ASAP3: variants seen among roughly 807,000 people sequenced by gnomAD.
The protein encoded by ASAP3 is ArfGAP with SH3 domain, ankyrin repeat and PH domain 3, also known as arf-GAP with SH3 domain, ANK repeat and PH domain-containing protein 3.
Under a neutral mutation model 118.2 loss-of-function variants are expected in ASAP3, and 85 were observed. The ratio of observed to expected loss-of-function variants is 0.72; its 90% confidence interval spans 0.60 to 0.86. ASAP3 has a LOEUF of 0.86. Ranked by LOEUF, ASAP3 falls within the 40% of genes least tolerant of loss-of-function variation. The pLI is 0.00. For synonymous variants in ASAP3, 432 were observed against 477.4 expected, an observed-to-expected ratio of 0.90 and a Z score of 1.24; for missense variants, 1,026 against 1,175.0, an observed-to-expected ratio of 0.87 and a Z score of 1.85.
At chr1:23,468,903 G>A in intron 1 of ASAP3, among the ~76,000 whole-genome samples, 1 of 137,948 alleles carries the variant, frequency 7.2e-6, no homozygotes, top group Non-Finnish European at 1.6e-5. Flanking sequence ...TACAATACCT[G>A]AATGAGCAAA....
Position 23,437,444 on chromosome 1 carries a change from C to T in ASAP3, c.1131G>A (p.Glu377=). 6.2e-7 allele frequency: 1 copy of T among 1,614,134 alleles called. No individual in the cohort carries two copies. The highest frequency in any genetic ancestry group is 1.1e-5 in the South Asian group (1 of 91,080). Residue 377 remains glutamate, a synonymous_variant, in exon 13 of 25, where the codon GAG becomes GAA. Transcript: ENST00000336689. The surrounding 1 kb of genome is among the most constrained non-coding windows in gnomAD (Gnocchi z 6.1). ...THNRTYHFQA[E]DEHECEAWVS... is the part of the protein sequence containing the mutation. ...CTCACGCCTCACACTCGTGCTCGTCCTCTGCCTGAAAGTGGTACGTCCGGT... is the reference window on the plus strand; with the variant it reads ...CTCACGCCTCACACTCGTGCTCGTCTTCTGCCTGAAAGTGGTACGTCCGGT...
intron 19 of ASAP3, among the ~76,000 whole-genome samples, chr1:23,434,000 A>T (rs1320674058): frequency 1.3e-5 from 2 of 152,258 alleles, no homozygotes; most frequent in East Asian, 3.8e-4. Context: ...ATTATCATTC[A>T]GATCTAGCTA....
intron 1 of ASAP3, among the ~76,000 whole-genome samples, chr1:23,483,462 A>T (rs1038465794): frequency 6.6e-6 from 1 of 152,158 alleles, no homozygotes; most frequent in African/African-American, 2.4e-5. Flanking sequence ...AGGGGAGAGG[A>T]GACGATAAAC....
At chr1:23,456,325 T>G in intron 1 of ASAP3, 131 bp from the exon 2 acceptor site, 1 of 834,514 alleles carries the variant, frequency 1.2e-6, no homozygotes, top group Non-Finnish European at 1.9e-6. Flanking sequence ...TGCTGTCCTC[T>G]GGAACTTATC....
chr1:23,439,369 C>G (rs1640786561), intron 10 of ASAP3, 139 bp from the exon 11 acceptor site: 1 of 728,914 alleles, frequency 1.4e-6, no homozygotes, highest in African/African-American at 1.7e-5. Flanking sequence ...CCCTACACCC[C>G]CACCCCTGAC....
chr1:23,434,477 G>C (rs1640561656), intron 18 of ASAP3, 56 bp downstream of exon 18: 1 of 1,605,980 alleles, frequency 6.2e-7, no homozygotes, highest in Non-Finnish European at 8.5e-7. Context: ...TGGGAGAAGA[G>C]GAAGGAAAGG....
At position 23,459,170 on chromosome 1, in the gene ASAP3, CAAAAAAAAAAA is replaced by C. The variant is rs59149141; in HGVS notation, c.130-2987_130-2977del. Among the ~76,000 whole-genome samples the C allele has an allele frequency of 1.8e-4, 12 of 68,294 alleles. No individual in the cohort carries two copies. The South Asian group carries it at 6.5e-3, about 37-fold the overall frequency. 44.8% of individuals were successfully genotyped at this position (68,294 alleles called of 152,430 possible). ...GCACAATGGGAGCGAGACTCCATCT[CAAAAAAAAAAA>C]AAAAAAAAAAAGATATGAACAATTT... On this transcript the variant is annotated intron_variant, in intron 1 of 24. Coordinates refer to ENST00000336689, the MANE Select transcript of ASAP3 (RefSeq NM_017707.4).
At chr1:23,479,768 G>C (rs1300515093) in intron 1 of ASAP3, 1 of 152,178 alleles carries the variant, frequency 6.6e-6, no homozygotes, top group Admixed American at 6.5e-5. Flanking sequence ...TTTTCCATGA[G>C]GAGATACATT....
intron 1 of ASAP3, among the ~76,000 whole-genome samples, chr1:23,466,872 A>G (rs1350976896): frequency 6.6e-6 from 1 of 152,110 alleles, no homozygotes; most frequent in African/African-American, 2.4e-5. Context: ...CATTATTATT[A>G]TTATTATTAT....
At chr1:23,479,749 GATAAT>G (rs1359935285) in intron 1 of ASAP3, 1 of 152,032 alleles carries the variant, frequency 6.6e-6, no homozygotes, top group African/African-American at 2.4e-5. Context: ...TTCCCCCACT[GATAAT>G]ATATTTTCCA....
At chr1:23,466,734 G>A (rs1407316022) in intron 1 of ASAP3, among the ~76,000 whole-genome samples, 3 of 152,184 alleles carry the variant, frequency 2.0e-5, no homozygotes, top group Non-Finnish European at 4.4e-5. Context: ...AAGCCAAGGG[G>A]GCAGAGCTGC....
rs573691701 is a variant in ASAP3 at position 23,463,053 on chromosome 1, G to A, written c.130-6859C>T. 5.9e-5 allele frequency among the ~76,000 whole-genome samples: 9 copies of A among 152,272 alleles called. No individual in the cohort carries two copies. The South Asian group carries it at 1.9e-3, about 32-fold the overall frequency. On this transcript the variant is annotated intron_variant, in intron 1 of 24. Coordinates refer to ENST00000336689, the MANE Select transcript of ASAP3 (RefSeq NM_017707.4). ...AAAAAATGGTAGGACTGCCAGGAAG[G>A]GAGGCGTGCTCTGGGAAGAATGGAC...
chr1:23,440,853 C>T (rs1640845484), intron 10 of ASAP3, among the ~76,000 whole-genome samples: 1 of 72,362 alleles, frequency 1.4e-5, no homozygotes, highest in South Asian at 6.2e-4. Context: ...GAGACTCTAT[C>T]TCAAAAAAAA....
intron 1 of ASAP3, among the ~76,000 whole-genome samples, chr1:23,473,449 A>C (rs1274947932): frequency 3.9e-5 from 6 of 152,180 alleles, no homozygotes; most frequent in Admixed American, 3.9e-4. Flanking sequence ...GAGTCACAGA[A>C]GCCACTCACT....
chr1:23,474,037 G>A (rs540056439), intron 1 of ASAP3, among the ~76,000 whole-genome samples: 54 of 120,966 alleles, frequency 4.5e-4, no homozygotes, highest in Non-Finnish European at 6.5e-4. Context: ...GCACAATCTC[G>A]GCTCACTGAA....
intron 5 of ASAP3, among the ~76,000 whole-genome samples, chr1:23,449,058 TC>T (rs1307225805): frequency 9.9e-5 from 4 of 40,596 alleles, no homozygotes; most frequent in Admixed American, 4.4e-4. Flanking sequence ...GATAACAGTC[TC>T]TCTCAGAACA....
chr1:23,450,802 A>G lies in ASAP3; in HGVS notation c.473+677T>C, dbSNP rs74663688. Among the ~76,000 whole-genome samples, 522 of 152,338 alleles carry G rather than the reference A, an allele frequency of 3.4e-3. 14 individuals carry two copies. The East Asian group carries it at 0.073, about 21-fold the overall frequency. The stretch of plus-strand genomic sequence containing the variant: ...AAAAGCACAAACAATGCTCTACAGT[A>G]TGGGCCTGGCTGGGCAGAGGGCAAA... On this transcript the variant is annotated intron_variant, in intron 5 of 24. Coordinates refer to ENST00000336689, the MANE Select transcript of ASAP3 (RefSeq NM_017707.4).
At position 23,433,120 on chromosome 1, in the gene ASAP3, A is replaced by T. The variant is rs760713499; in HGVS notation, c.2280T>A (p.Ser760=). 1.2e-6 allele frequency: 2 copies of T among 1,614,096 alleles called. No individual in the cohort carries two copies. The highest frequency in any genetic ancestry group is 1.7e-6 in the Non-Finnish European group (2 of 1,179,986). The part of the protein sequence containing the change: ...DCPPPLPVKN[S]SRTLVQGCAR... ...CACACCCTTGGACCAAAGTCCGAGAAGAGTTTTTGACTGGCAAGGGCGGGG... is the reference window on the plus strand; with the variant it reads ...CACACCCTTGGACCAAAGTCCGAGATGAGTTTTTGACTGGCAAGGGCGGGG... Residue 760 remains serine, a synonymous_variant, in exon 22 of 25, where the codon TCT becomes TCA. Coordinates refer to ENST00000336689, the MANE Select transcript of ASAP3 (RefSeq NM_017707.4).
intron 4 of ASAP3, 33 bp downstream of exon 4, chr1:23,452,664 T>A (rs1335755309): frequency 6.2e-7 from 1 of 1,603,948 alleles, no homozygotes; most frequent in South Asian, 1.1e-5. Context: ...TCTTTTACTC[T>A]GTCCCACCAC....
Sources: gnomAD v4.1 joint callset for allele counts (sites outside exome capture counted in the v4.1 genomes callset) on GRCh38, gnomAD v4.1.1 for gene constraint, Gnocchi (gnomAD v3.1) non-coding constraint, MANE v1.5 for transcripts, NCBI Gene and HGNC (gene_info 2026-07-23, HGNC 2026-07-21) for gene names.